The following PRKAG2 variants were observed in gnomAD, a reference collection of about 807,000 sequenced individuals.
The protein encoded by PRKAG2 is 5'-AMP-activated protein kinase subunit gamma-2.
A neutral mutation model predicts 69.6 loss-of-function variants in PRKAG2; 26 were observed. The ratio of observed to expected loss-of-function variants is 0.37; its 90% CI spans 0.27 to 0.52. PRKAG2 has a LOEUF of 0.52. PRKAG2 is among the 20% of genes least tolerant of loss of function. The pLI is 0.90. For missense variants in PRKAG2, 557 were observed against 740.0 expected, an observed-to-expected ratio of 0.75 and a Z score of 2.87; for synonymous variants, 293 against 285.0, an observed-to-expected ratio of 1.03 and a Z score of -0.28.
chr7:151,696,868 AGCTG>A (rs1836767368), intron 3 of PRKAG2, among the ~76,000 whole-genome samples: 11 of 151,510 alleles, frequency 7.3e-5, no homozygotes, highest in Admixed American at 7.2e-4. Flanking sequence ...GGCCCTGTGG[AGCTG>A]GCAGCAGCAG....
rs573202647 is a variant in PRKAG2, at chr7:151,567,876, C to T, written c.1233+840G>A. ...TCAGCTCCTTCACACTGCACCGGAA[C>T]GCTATGTTAGGTCCTTAGGTGAAGC... On this transcript the variant is annotated intron_variant, in intron 11 of 15. Coordinates refer to ENST00000287878, the MANE Select transcript of PRKAG2 (RefSeq NM_016203.4). The surrounding 1 kb of genome is among the most constrained non-coding windows in gnomAD (Gnocchi z 4.2). Among the ~76,000 whole-genome samples the T allele has an allele frequency of 5.3e-5, 8 of 152,282 alleles. No homozygotes were observed. The highest frequency in any genetic ancestry group is 4.1e-4 in the South Asian group (2 of 4,826).
At chr7:151,712,395 G>A (rs779678053) in intron 3 of PRKAG2, among the ~76,000 whole-genome samples, 5 of 152,198 alleles carry the variant, frequency 3.3e-5, no homozygotes, top group Admixed American at 6.5e-5. Context: ...TCCACTCCCT[G>A]GCAGTGACTC....
At chr7:151,832,920 T>C (rs982291082) in intron 1 of PRKAG2, among the ~76,000 whole-genome samples, 3 of 152,118 alleles carry the variant, frequency 2.0e-5, no homozygotes, top group African/African-American at 7.2e-5. Flanking sequence ...TAGCCTGGTG[T>C]TCCTCCCAGG....
At chr7:151,652,857 G>T (rs766684719) in intron 4 of PRKAG2, among the ~76,000 whole-genome samples, 2 of 151,990 alleles carry the variant, frequency 1.3e-5, no homozygotes, top group African/African-American at 2.4e-5. Context: ...GGGCTCAAGC[G>T]ATCTGCCCGC....
At chr7:151,557,291 C>A in intron 15 of PRKAG2, 59 bp from the exon 16 acceptor site, 1 of 1,613,592 alleles carries the variant, frequency 6.2e-7, no homozygotes, top group East Asian at 2.2e-5. Flanking sequence ...GGTTCTCTAC[C>A]CCAGGGGTTT....
At chr7:151,852,577 A>C (rs2151896785) in intron 1 of PRKAG2, among the ~76,000 whole-genome samples, 1 of 152,104 alleles carries the variant, frequency 6.6e-6, no homozygotes, top group South Asian at 2.1e-4. Flanking sequence ...ACAGACCTGT[A>C]GGGGGGCATG....
chr7:151,600,713 C>G (rs563296780), intron 5 of PRKAG2, among the ~76,000 whole-genome samples: 1 of 152,182 alleles, frequency 6.6e-6, no homozygotes, highest in Admixed American at 6.5e-5. Context: ...TCTCCTGTAG[C>G]CTTTGACCTC....
intron 3 of PRKAG2, among the ~76,000 whole-genome samples, chr7:151,775,062 A>G (rs1245633569): frequency 1.3e-5 from 2 of 152,172 alleles, no homozygotes; most frequent in Non-Finnish European, 2.9e-5. Flanking sequence ...ATCGCCCTCC[A>G]TGGGGGAAGC....
At chr7:151,692,419 A>C (rs1835811525) in intron 3 of PRKAG2, among the ~76,000 whole-genome samples, 1 of 152,206 alleles carries the variant, frequency 6.6e-6, no homozygotes, top group South Asian at 2.1e-4. Context: ...GGACAGAAAA[A>C]AAAGTCAGTG....
At chr7:151,619,150 T>C (rs1415338463) in intron 5 of PRKAG2, among the ~76,000 whole-genome samples, 1 of 152,214 alleles carries the variant, frequency 6.6e-6, no homozygotes, top group Admixed American at 6.5e-5. Flanking sequence ...GTCAGAATTT[T>C]AAAATGGTTT....
intron 6 of PRKAG2, among the ~76,000 whole-genome samples, chr7:151,592,372 T>A (rs58212222): frequency 0.016 from 2,363 of 152,284 alleles, 53 homozygotes; most frequent in African/African-American, 0.054. Flanking sequence ...CCAGGGTGAT[T>A]CCAGTATTAA....
At position 151,721,826 on chromosome 7, in the gene PRKAG2, C is replaced by G. The variant is rs542053581; in HGVS notation, c.467-46189G>C. Among the ~76,000 whole-genome samples the G allele has an allele frequency of 6.2e-4, 95 of 152,284 alleles. 5 individuals are homozygous for G. The South Asian group carries it at 0.014, about 23-fold the overall frequency. On this transcript the variant is annotated intron_variant, in intron 3 of 15. Transcript: ENST00000287878. ...CTGGCCTTACCATTCCTCTCTGACCCAGGTCCCTTAGTTCCCATGGTGACT... is the reference window on the plus strand; with the variant it reads ...CTGGCCTTACCATTCCTCTCTGACCGAGGTCCCTTAGTTCCCATGGTGACT...
At chr7:151,838,300 C>T (rs1490515359) in intron 1 of PRKAG2, among the ~76,000 whole-genome samples, 1 of 152,088 alleles carries the variant, frequency 6.6e-6, no homozygotes, top group Non-Finnish European at 1.5e-5. Flanking sequence ...TTGACTTGGA[C>T]ACCCTCGACC....
At chr7:151,580,341 C>G (rs895441267) in intron 6 of PRKAG2, among the ~76,000 whole-genome samples, 12 of 151,726 alleles carry the variant, frequency 7.9e-5, no homozygotes, top group African/African-American at 2.7e-4. Flanking sequence ...AGTGAGACTC[C>G]ATCTCAAAAA....
intron 5 of PRKAG2, among the ~76,000 whole-genome samples, chr7:151,622,958 A>G (rs1196995266): frequency 6.6e-6 from 1 of 152,150 alleles, no homozygotes; most frequent in African/African-American, 2.4e-5. Flanking sequence ...AGTGGTCCCC[A>G]ACCTTTTTGG....
chr7:151,630,164 G>C (rs1178668289), intron 5 of PRKAG2, among the ~76,000 whole-genome samples: 8 of 151,852 alleles, frequency 5.3e-5, no homozygotes, highest in Non-Finnish European at 1.2e-4. Context: ...GTGAAGAGGG[G>C]AAATTCCTCT....
chr7:151,581,803 T>G (rs556726028), intron 6 of PRKAG2, among the ~76,000 whole-genome samples: 2 of 152,290 alleles, frequency 1.3e-5, no homozygotes, highest in African/African-American at 4.8e-5. Context: ...ATATGATGAT[T>G]ATTACTTCAG....
Position 151,781,075 on chromosome 7 carries a change from C to G in PRKAG2, c.466+77G>C. The stretch of plus-strand genomic sequence containing the variant: ...TCACAGCCACCTGGCAGCTTCGGTG[C>G]CACCGTGGATGTGTGGCTGCAGAAG... On this transcript the variant is annotated intron_variant, in intron 3 of 15. Coordinates refer to ENST00000287878, the MANE Select transcript of PRKAG2 (RefSeq NM_016203.4). This position sits in a 1 kb window ranked among gnomAD's most constrained non-coding sequence, Gnocchi z 6.1. The G allele has an allele frequency of 6.3e-7, 1 of 1,591,198 alleles. No individual in the cohort carries two copies. Among genetic ancestry groups the G allele is most frequent in the Non-Finnish European group, 8.6e-7 (1 of 1,163,430 alleles).
At chr7:151,635,834 C>A (rs1035264506) in intron 4 of PRKAG2, among the ~76,000 whole-genome samples, 3 of 151,502 alleles carry the variant, frequency 2.0e-5, no homozygotes, top group African/African-American at 7.3e-5. Flanking sequence ...TCAGGCCAAG[C>A]TGATTTAATT....
Sources: allele counts gnomAD v4.1 joint callset (sites outside exome capture counted in the v4.1 genomes callset), GRCh38; gene constraint gnomAD v4.1.1; non-coding constraint Gnocchi (gnomAD v3.1); transcripts MANE v1.5; gene names NCBI Gene and HGNC (gene_info 2026-07-23, HGNC 2026-07-21).